The following CNOT1 variants were observed in gnomAD, a reference collection of about 807,000 sequenced individuals.
CNOT1 encodes CCR4-NOT transcription complex subunit 1, also known as CCR4-associated factor 1.
In CNOT1, 15 loss-of-function variants were observed where a neutral mutation model predicts 273.8. That is an observed-to-expected ratio of 0.05 (90% CI 0.04 to 0.08). The LOEUF (loss-of-function observed/expected upper bound fraction) is 0.08, where lower values mean the gene tolerates loss of function less well. Among genes scored for constraint, CNOT1 ranks in the 10% least tolerant of loss-of-function variants. CNOT1 has a pLI of 1.00. For synonymous variants in CNOT1, 1,022 were observed against 1,005.5 expected (o/e 1.02, Z -0.31); for missense variants, 1,644 against 2,912.2 (o/e 0.56, Z 10.02).
chr16:58,543,007 C>T (rs1376786140), intron 31 of CNOT1: 1 of 721,586 alleles, frequency 1.4e-6, no homozygotes, highest in East Asian at 1.3e-4. Context: ...GCACGAGAAT[C>T]AGTTGAACCT....
rs780151513 is a variant in CNOT1, at chr16:58,545,509, A to T, written c.4007-18T>A. 6.2e-7 allele frequency: 1 copy of T among 1,612,912 alleles called. No homozygotes were observed. The highest frequency in any genetic ancestry group is 1.1e-5 in the South Asian group (1 of 90,802). On this transcript the variant is annotated intron_variant, in intron 29 of 48. Coordinates refer to ENST00000317147, the MANE Select transcript of CNOT1 (RefSeq NM_016284.5). ...AGAAGTTGCTAAATGTCAAGTAATA[A>T]AAAGAGATTTAAAAAGTACATTTGT...
chr16:58,564,473 ATATTT>A (rs1271275797), intron 16 of CNOT1, among the ~76,000 whole-genome samples: 2 of 152,186 alleles, frequency 1.3e-5, no homozygotes, highest in Non-Finnish European at 2.9e-5. Flanking sequence ...AGCCACACTA[ATATTT>A]TATGTCCTAT....
At chr16:58,597,687 CAT>C (rs2042312262) in intron 2 of CNOT1, 2 of 504,018 alleles carry the variant, frequency 4.0e-6, no homozygotes, top group African/African-American at 3.9e-5. Context: ...GACTCTCCCA[CAT>C]GACTCAGCCA....
Position 58,539,828 on chromosome 16 carries a change from C to T in CNOT1, c.4932G>A (p.Glu1644=). The T allele has an allele frequency of 6.2e-7, 1 of 1,614,166 alleles. No individual in the cohort carries two copies. Among genetic ancestry groups the T allele is most frequent in the Non-Finnish European group, 8.5e-7 (1 of 1,180,036 alleles). Residue 1644 remains glutamate (E), a synonymous_variant, in exon 35 of 49, where the codon GAG becomes GAA. Transcript: ENST00000317147. ...GAGAGTTTCGAGATAAAACTACAAC[C>T]TCCAAGAGACTTCGAAGAGCCTGAG... ...PQAQALRSLL[E]VVVLSRNSRD... is the part of the protein sequence containing the mutation.
Position 58,543,047 on chromosome 16 carries a change from T to C in CNOT1, c.4435-479A>G, listed in dbSNP as rs1481857243. 3 of 1,126,070 alleles carry C rather than the reference T, an allele frequency of 2.7e-6. No homozygotes were observed. The African/African-American group carries it at 4.9e-5, about 18-fold the overall frequency. 69.8% of individuals were successfully genotyped at this position (1,126,070 alleles called of 1,614,324 possible). A position where few individuals can be genotyped will look rare whatever the true frequency, so the allele number is the denominator to read the frequency against. On this transcript the variant is annotated intron_variant, in intron 31 of 48. Coordinates refer to ENST00000317147, the MANE Select transcript of CNOT1 (RefSeq NM_016284.5). Reference sequence around the variant, plus strand: ...GGTGGAGGATGCAGTGAGCCAAGACTGCACCACTGTACTCTAGCCTAAGCT... The same window carrying C: ...GGTGGAGGATGCAGTGAGCCAAGACCGCACCACTGTACTCTAGCCTAAGCT...
chr16:58,615,918 C>CT (rs762479250), intron 1 of CNOT1, among the ~76,000 whole-genome samples: 1,288 of 104,340 alleles, frequency 0.012, 249 homozygotes, highest in Non-Finnish European at 0.019. Flanking sequence ...CCCATCTCTA[C>CT]TTTTTTTTTT....
intron 1 of CNOT1, among the ~76,000 whole-genome samples, chr16:58,622,834 T>C (rs1211090612): frequency 7.6e-6 from 1 of 132,006 alleles, no homozygotes; most frequent in Admixed American, 8.0e-5. Context: ...GCGCCAAGAG[T>C]GAAACTCTTG....
Position 58,622,333 on chromosome 16 carries a change from TGGGGGGGG to T in CNOT1, c.-175+7387_-175+7394del, listed in dbSNP as rs71155283. Among the ~76,000 whole-genome samples the T allele has an allele frequency of 3.2e-4, 2 of 6,156 alleles. 1 individual carries two copies. Among genetic ancestry groups the T allele is most frequent in the African/African-American group, 5.6e-4 (2 of 3,576 alleles). The allele number at this position is 6,156 out of a possible 152,430, so 4.0% of individuals were successfully genotyped here. A position where few individuals can be genotyped will look rare whatever the true frequency, so the allele number is the denominator to read the frequency against. ...TATCTCAAAAAATGTACCACTCTAG[TGGGGGGGG>T]GGGGGGGGGCGGGCGTGGACAATGG... On this transcript the variant is annotated intron_variant, in intron 1 of 48. Coordinates refer to ENST00000317147, the MANE Select transcript of CNOT1 (RefSeq NM_016284.5).
intron 21 of CNOT1, 95 bp from the exon 22 acceptor site, chr16:58,553,955 T>C: frequency 1.4e-6 from 2 of 1,416,206 alleles, no homozygotes; most frequent in East Asian, 2.7e-5. Context: ...GTCATTTTTT[T>C]CCATCTTACC....
intron 24 of CNOT1, 128 bp from the exon 25 acceptor site, chr16:58,550,026 CCTT>C: frequency 7.2e-7 from 1 of 1,387,654 alleles, no homozygotes; most frequent in Non-Finnish European, 9.7e-7. Context: ...GAATGACTTT[CCTT>C]CACACCAGAT....
intron 28 of CNOT1, 45 bp from the exon 29 acceptor site, chr16:58,546,543 T>C (rs2040260464): frequency 6.2e-7 from 1 of 1,600,890 alleles, no homozygotes; most frequent in Non-Finnish European, 8.5e-7. Context: ...AAGAAAACTT[T>C]AGTTTTACTC....
At chr16:58,532,425 A>G in intron 40 of CNOT1, 30 bp from the exon 41 acceptor site, 3 of 1,602,860 alleles carry the variant, frequency 1.9e-6, no homozygotes, top group Non-Finnish European at 2.6e-6. Flanking sequence ...GAGCTTGTAA[A>G]TCATTCAGAT....
chr16:58,574,179 A>G (rs1300905742), intron 16 of CNOT1, among the ~76,000 whole-genome samples: 1 of 152,034 alleles, frequency 6.6e-6, no homozygotes, highest in Non-Finnish European at 1.5e-5. Flanking sequence ...TGGGAGGTTG[A>G]GGTGGGAGGA....
intron 12 of CNOT1, 112 bp downstream of exon 12, chr16:58,580,521 A>G: frequency 1.4e-6 from 2 of 1,422,508 alleles, no homozygotes; most frequent in African/African-American, 1.5e-5. Flanking sequence ...TAAGGTCACT[A>G]AAACTACTGC....
At position 58,555,647 on chromosome 16, in the gene CNOT1, T is replaced by C. The variant is rs943770516; in HGVS notation, c.2605-110A>G. On this transcript the variant is annotated intron_variant, in intron 20 of 48. Coordinates refer to ENST00000317147, the MANE Select transcript of CNOT1 (RefSeq NM_016284.5). The stretch of plus-strand genomic sequence containing the variant: ...TAAGTAGAACATTTACCAAAAGAGC[T>C]TGAGACAAATATTAAGGTTTCAAAA... 11 of 1,538,168 alleles carry C rather than the reference T, an allele frequency of 7.2e-6. No homozygotes were observed. The African/African-American group carries it at 1.2e-4, about 17-fold the overall frequency.
chr16:58,551,632 G>A lies in CNOT1; in HGVS notation c.3158C>T (p.Thr1053Met), dbSNP rs538817578. Reference sequence around the variant, plus strand: ...GCTGACTCCAGTTGGCCTGGTGACCGTAACCGTTTTAGCAACAGTGGTAGT... The same window carrying A: ...GCTGACTCCAGTTGGCCTGGTGACCATAACCGTTTTAGCAACAGTGGTAGT... ...STTTTVAKTV[T>M]VTRPTGVSFK... The change falls in exon 23 of 49, where the codon ACG becomes ATG. Residue 1053 changes from threonine (T) to methionine (M), a missense_variant. By Grantham distance (81) the Thr-to-Met change is moderately conservative. This residue lies in a region of CNOT1 where 77 missense variants were observed against 90.5 expected (regional missense o/e 0.85). Coordinates refer to ENST00000317147, the MANE Select transcript of CNOT1 (RefSeq NM_016284.5). 1.4e-5 allele frequency: 23 copies of A among 1,614,202 alleles called. No individual in the cohort carries two copies. The highest frequency in any genetic ancestry group is 4.4e-5 in the South Asian group (4 of 91,084).
chr16:58,538,215 C>T lies in CNOT1; in HGVS notation c.5187G>A (p.Glu1729=). The change falls in exon 37 of 49, where the codon GAG becomes GAA. Residue 1729 remains glutamate, a synonymous_variant. Coordinates refer to ENST00000317147, the MANE Select transcript of CNOT1 (RefSeq NM_016284.5). The stretch of plus-strand genomic sequence containing the variant: ...TAACCAAATGATTGCGAATTAGCAG[C>T]TCCACAGCCTCCACATTATATTTAT... The part of the protein sequence containing the change: ...DEYKYNVEAV[E]LLIRNHLVNM... 6.8e-7 allele frequency: 1 copy of T among 1,461,926 alleles called. No individual in the cohort carries two copies. Among genetic ancestry groups the T allele is most frequent in the Non-Finnish European group, 9.6e-7 (1 of 1,041,020 alleles). The allele number at this position is 1,461,926 out of a possible 1,614,324, so 90.6% of individuals were successfully genotyped here. A position where few individuals can be genotyped will look rare whatever the true frequency, so the allele number is the denominator to read the frequency against.
intron 1 of CNOT1, among the ~76,000 whole-genome samples, chr16:58,607,696 C>G (rs1445432781): frequency 1.5e-5 from 2 of 129,204 alleles, no homozygotes; most frequent in Non-Finnish European, 3.1e-5. Flanking sequence ...TATTGTACTC[C>G]AGCCTGGGCA....
In CNOT1 at chr16:58,586,530, CAA is replaced by C. The variant is rs1410839627; in HGVS notation, c.637+13_637+14del. On this transcript the variant is annotated intron_variant, in intron 7 of 48. Transcript: ENST00000317147. The stretch of plus-strand genomic sequence containing the variant: ...CAAGAAAACCACCCACTGTAGGCTA[CAA>C]AGACTCCCTTACCTCTGCGCAGCGT... 19 of 1,606,242 alleles carry C rather than the reference CAA, an allele frequency of 1.2e-5. No homozygotes were observed. Among genetic ancestry groups the C allele is most frequent in the Non-Finnish European group, 1.6e-5 (19 of 1,178,072 alleles).
Sources: gnomAD v4.1 joint callset for allele counts (sites outside exome capture counted in the v4.1 genomes callset) on GRCh38, gnomAD v4.1.1 for gene constraint, gnomAD v4.1.1 regional missense constraint, MANE v1.5 for transcripts, NCBI Gene and HGNC (gene_info 2026-07-23, HGNC 2026-07-21) for gene names.